Variants in SH2D4B observed in about 807,000 individuals in gnomAD.
The protein encoded by SH2D4B is SH2 domain containing 4B, also known as SH2 domain-containing protein 4B.
A neutral mutation model predicts 61.5 loss-of-function variants in SH2D4B; 45 were observed. The ratio of observed to expected loss-of-function variants is 0.73; its 90% CI spans 0.58 to 0.94. The LOEUF (loss-of-function observed/expected upper bound fraction) is 0.94. Ranked by LOEUF, SH2D4B falls within the 40% of genes least tolerant of loss-of-function variation. SH2D4B has a pLI of 0.00. For synonymous variants in SH2D4B, 224 were observed against 220.4 expected, an observed-to-expected ratio of 1.02 and a Z score of -0.14; for missense variants, 572 against 574.2, an observed-to-expected ratio of 1.00 and a Z score of 0.04.
At chr10:80,579,648 G>C (rs138286098) in intron 3 of SH2D4B, among the ~76,000 whole-genome samples, 79 of 151,878 alleles carry the variant, frequency 5.2e-4, no homozygotes, top group African/African-American at 1.8e-3. Context: ...GGTTGATTCT[G>C]TTCAGTTGTT....
At position 80,539,274 on chromosome 10, in the gene SH2D4B, A is replaced by G. The variant is rs1415723506; in HGVS notation, c.184+759A>G. On this transcript the variant is annotated intron_variant, in intron 1 of 7. Transcript: ENST00000646907. The surrounding 1 kb of genome is among the most constrained non-coding windows in gnomAD (Gnocchi z 4.9). ...GAGGCTTGGCTTGGCACAGGACTCA[A>G]TCCTGCCAGGGATTGTAGTTTCTGT... Among the ~76,000 whole-genome samples the G allele has an allele frequency of 6.6e-6, 1 of 152,238 alleles. No homozygotes were observed. The highest frequency in any genetic ancestry group is 2.4e-5 in the African/African-American group (1 of 41,466).
chr10:80,538,374 C>A lies in SH2D4B; in HGVS notation c.43C>A (p.Leu15Ile), dbSNP rs577059009. The stretch of plus-strand genomic sequence containing the variant: ...GCACGACATGTACATCGACCCCGAG[C>A]TCCTTGCCGAGCTCAGCGATGTGCA... ...ILHDMYIDPE[L>I]LAELSDVQKH... The change falls in exon 1 of 8, where the codon CTC (leucine) becomes ATC (isoleucine). Residue 15 changes from leucine (L) to isoleucine (I), a missense_variant. Leu to Ile is a conservative substitution (Grantham distance 5). Transcript: ENST00000646907. This position sits in a 1 kb window ranked among gnomAD's most constrained non-coding sequence, Gnocchi z 4.8. The A allele has an allele frequency of 7.1e-7, 1 of 1,411,312 alleles. No homozygotes were observed. The highest frequency in any genetic ancestry group is 9.3e-7 in the Non-Finnish European group (1 of 1,077,804). 87.4% of individuals were successfully genotyped at this position (1,411,312 alleles called of 1,614,324 possible).
At chr10:80,577,963 A>AT (rs11366486) in intron 3 of SH2D4B, among the ~76,000 whole-genome samples, 2 of 150,496 alleles carry the variant, frequency 1.3e-5, no homozygotes, top group East Asian at 3.9e-4. Flanking sequence ...GGCTTAGATA[A>AT]TTTTTTTTCT....
chr10:80,596,183 G>C (rs755369853), intron 4 of SH2D4B, among the ~76,000 whole-genome samples: 2 of 152,240 alleles, frequency 1.3e-5, no homozygotes, highest in African/African-American at 4.8e-5. Context: ...AGGGGCATAC[G>C]CTCAGGAGAG....
chr10:80,572,072 G>A (rs1039267338), intron 3 of SH2D4B, among the ~76,000 whole-genome samples: 3 of 151,942 alleles, frequency 2.0e-5, no homozygotes, highest in South Asian at 4.1e-4. Flanking sequence ...GCGCCCGGCC[G>A]GGCCAATCCA....
chr10:80,587,683 C>T (rs544012161), intron 3 of SH2D4B, among the ~76,000 whole-genome samples: 3 of 152,248 alleles, frequency 2.0e-5, no homozygotes, highest in African/African-American at 4.8e-5. Context: ...CGATTGAACC[C>T]ATGATCTAGG....
chr10:80,560,907 A>G (rs1841894845), intron 1 of SH2D4B, among the ~76,000 whole-genome samples: 1 of 152,116 alleles, frequency 6.6e-6, no homozygotes, highest in African/African-American at 2.4e-5. Flanking sequence ...CAAAATCAAT[A>G]GTGAGTGAAT....
intron 4 of SH2D4B, among the ~76,000 whole-genome samples, chr10:80,589,795 AC>A (rs1441258030): frequency 6.6e-6 from 1 of 152,182 alleles, no homozygotes; most frequent in African/African-American, 2.4e-5. Context: ...TGGGAAGGGC[AC>A]TGTAGGTAGA....
At chr10:80,623,959 A>G (rs145702830) in intron 6 of SH2D4B, among the ~76,000 whole-genome samples, 7 of 152,146 alleles carry the variant, frequency 4.6e-5, no homozygotes, top group Non-Finnish European at 8.8e-5. Context: ...GTCTTTCAGC[A>G]GTGGAGTTGT....
At chr10:80,610,187 T>C (rs970986538) in intron 6 of SH2D4B, among the ~76,000 whole-genome samples, 1 of 152,164 alleles carries the variant, frequency 6.6e-6, no homozygotes, top group Non-Finnish European at 1.5e-5. Flanking sequence ...TCATTTTCCA[T>C]CTCAAACATC....
At chr10:80,574,674 T>C in intron 3 of SH2D4B, among the ~76,000 whole-genome samples, 1 of 147,210 alleles carries the variant, frequency 6.8e-6, no homozygotes, top group African/African-American at 2.7e-5. Context: ...TTAGCAGATT[T>C]TCCTGAGTTT....
rs1033746280 is a variant in SH2D4B, at chr10:80,645,585, T to C, written c.*1500T>C. Reference sequence around the variant, plus strand: ...TGTATGGTCTTGTAGAAGACAGTCCTGTAAGATCGAGCAACCAGTCATGAT... The same window carrying C: ...TGTATGGTCTTGTAGAAGACAGTCCCGTAAGATCGAGCAACCAGTCATGAT... On this transcript the variant is annotated 3_prime_UTR_variant, in exon 8 of 8. Transcript: ENST00000646907. 6.6e-6 allele frequency: 1 copy of C among 152,212 alleles called. No individual in the cohort carries two copies. The highest frequency in any genetic ancestry group is 2.4e-5 in the African/African-American group (1 of 41,460). The allele number at this position is 152,212 out of a possible 1,614,324, so 9.4% of individuals were successfully genotyped here.
intron 1 of SH2D4B, among the ~76,000 whole-genome samples, chr10:80,558,772 T>C (rs986380286): frequency 2.6e-5 from 4 of 152,212 alleles, no homozygotes; most frequent in Admixed American, 2.6e-4. Context: ...TCCAAACTGC[T>C]AGGATTACAG....
intron 6 of SH2D4B, 125 bp from the exon 7 acceptor site, chr10:80,634,160 C>T (rs1842865994): frequency 3.7e-6 from 5 of 1,337,872 alleles, no homozygotes; most frequent in Non-Finnish European, 4.9e-6. Context: ...CTTCCTGCCA[C>T]CCTGGACTGT....
chr10:80,587,143 T>G lies in SH2D4B; in HGVS notation c.496-1487T>G, dbSNP rs1485727492. Among the ~76,000 whole-genome samples the G allele has an allele frequency of 1.4e-4, 9 of 65,354 alleles. No homozygotes were observed. The East Asian group carries it at 1.6e-3, about 12-fold the overall frequency. The allele number at this position is 65,354 out of a possible 152,430, so 42.9% of individuals were successfully genotyped here. On this transcript the variant is annotated intron_variant, in intron 3 of 7. Transcript: ENST00000646907. ...AATTCCGGCCACGTTTTTTTTTTTT[T>G]TTGTTTTGTTTTTTTTTTTTTTTTT...
chr10:80,566,051 A>C, intron 1 of SH2D4B, among the ~76,000 whole-genome samples: 1 of 125,660 alleles, frequency 8.0e-6, no homozygotes, highest in African/African-American at 3.0e-5. Context: ...AGATCGCGCC[A>C]CTGCACTCCA....
intron 7 of SH2D4B, among the ~76,000 whole-genome samples, chr10:80,637,778 T>C (rs566573350): frequency 6.6e-6 from 1 of 152,362 alleles, no homozygotes; most frequent in South Asian, 2.1e-4. Flanking sequence ...ACCCTTTATT[T>C]CTTTCTCCTG....
chr10:80,543,538 G>T (rs1166384874), intron 1 of SH2D4B, among the ~76,000 whole-genome samples: 2 of 152,172 alleles, frequency 1.3e-5, no homozygotes, highest in Non-Finnish European at 2.9e-5. Context: ...TCCCCGATGA[G>T]CGCCACCCCC....
chr10:80,565,872 C>G (rs1326858697), intron 1 of SH2D4B, among the ~76,000 whole-genome samples: 1 of 151,812 alleles, frequency 6.6e-6, no homozygotes, highest in Non-Finnish European at 1.5e-5. Context: ...GGGCGGATCA[C>G]GAGGTCAGGA....
Sources: allele counts gnomAD v4.1 joint callset (sites outside exome capture counted in the v4.1 genomes callset), GRCh38; gene constraint gnomAD v4.1.1; non-coding constraint Gnocchi (gnomAD v3.1); transcripts MANE v1.5; gene names NCBI Gene and HGNC (gene_info 2026-07-23, HGNC 2026-07-21).